SLC4A4: variants seen among roughly 807,000 people sequenced by gnomAD.
SLC4A4 encodes the protein electrogenic sodium bicarbonate cotransporter 1.
SLC4A4 carries 27 observed loss-of-function variants against 111.5 expected under a neutral mutation model. The ratio of observed to expected loss-of-function variants is 0.24; its 90% CI spans 0.18 to 0.33. The LOEUF is 0.33. SLC4A4 is among the 10% of genes least tolerant of loss of function. The probability of loss-of-function intolerance (pLI) is 1.00; values close to 1 mark genes in which losing one functional copy is unlikely to be tolerated. For missense variants in SLC4A4, 909 were observed against 1,315.5 expected (o/e 0.69, Z 4.78); for synonymous variants, 443 against 463.4 (o/e 0.96, Z 0.57).
At chr4:71,501,259 T>C (rs1244951452) in intron 16 of SLC4A4, among the ~76,000 whole-genome samples, 1 of 152,178 alleles carries the variant, frequency 6.6e-6, no homozygotes, top group East Asian at 1.9e-4. Flanking sequence ...AGGTTGTTGT[T>C]GGTCTATAGA....
At chr4:71,477,653 A>G (rs1203128476) in intron 14 of SLC4A4, among the ~76,000 whole-genome samples, 1 of 151,852 alleles carries the variant, frequency 6.6e-6, no homozygotes, top group Non-Finnish European at 1.5e-5. Flanking sequence ...GAGGTGTTCA[A>G]TTCTTCTAAG....
intron 14 of SLC4A4, 131 bp downstream of exon 14, chr4:71,473,101 T>G (rs1054090520): frequency 3.9e-6 from 4 of 1,037,922 alleles, no homozygotes; most frequent in African/African-American, 3.1e-5. Flanking sequence ...TGAAAAACTC[T>G]GCTACTGAAT....
chr4:71,549,200 G>T (rs969669905), intron 20 of SLC4A4, among the ~76,000 whole-genome samples: 24 of 151,952 alleles, frequency 1.6e-4, no homozygotes, highest in Non-Finnish European at 1.5e-4. Context: ...TATGGGATAA[G>T]TGTGAAGATG....
intron 16 of SLC4A4, 151 bp downstream of exon 16, chr4:71,497,843 C>A: frequency 1.4e-6 from 1 of 700,622 alleles, no homozygotes. Flanking sequence ...TGTTCATGTG[C>A]ATACTTATTA....
intron 6 of SLC4A4, among the ~76,000 whole-genome samples, chr4:71,384,642 C>CAAA (rs773419796): frequency 2.1e-4 from 13 of 61,452 alleles, no homozygotes; most frequent in East Asian, 7.8e-4. Context: ...TCCCTCCCAC[C>CAAA]AAAAAAAAAA....
intron 3 of SLC4A4, among the ~76,000 whole-genome samples, chr4:71,289,857 T>A (rs1262313764): frequency 6.6e-6 from 1 of 152,160 alleles, no homozygotes; most frequent in African/African-American, 2.4e-5. Flanking sequence ...TGGGATGAAT[T>A]TGATTATTGA....
chr4:71,234,868 A>C, intron 1 of SLC4A4, among the ~76,000 whole-genome samples: 1 of 152,204 alleles, frequency 6.6e-6, no homozygotes, highest in Non-Finnish European at 1.5e-5. Flanking sequence ...TATTATATAC[A>C]AGGCCGATAT....
intron 18 of SLC4A4, among the ~76,000 whole-genome samples, chr4:71,535,758 G>A (rs1419973209): frequency 6.6e-6 from 1 of 152,028 alleles, no homozygotes; most frequent in Non-Finnish European, 1.5e-5. Context: ...TGATGTGGAA[G>A]GGCAGAATGA....
chr4:71,064,917 A>G (rs953162763), intron 1 of SLC4A4, among the ~76,000 whole-genome samples: 7 of 152,236 alleles, frequency 4.6e-5, no homozygotes, highest in African/African-American at 1.4e-4. Flanking sequence ...TGCTTTGAAG[A>G]TTCAATAAGG....
At chr4:71,356,777 A>C (rs572361643) in intron 5 of SLC4A4, among the ~76,000 whole-genome samples, 102 of 152,224 alleles carry the variant, frequency 6.7e-4, no homozygotes, top group Non-Finnish European at 8.7e-4. Context: ...AATACATCAT[A>C]TCTGGGCCTG....
intron 1 of SLC4A4, among the ~76,000 whole-genome samples, chr4:71,227,140 A>T (rs1719100937): frequency 6.6e-6 from 1 of 152,120 alleles, no homozygotes; most frequent in South Asian, 2.1e-4. Context: ...AGGGAAGGGT[A>T]TGTCTGATAA....
rs553660879 is a variant in SLC4A4, at chr4:71,358,042, C to T, written c.730+855C>T. Among the ~76,000 whole-genome samples, 20 of 152,194 alleles carry T rather than the reference C, an allele frequency of 1.3e-4. No individual in the cohort carries two copies. In the East Asian group the frequency reaches 2.1e-3, roughly 16 times the overall value. ...GTGTTAAGAGAGATGAGGCCGGGCG[C>T]GGTGGCTCATGCCTGTAATCCCAGA... On this transcript the variant is annotated intron_variant, in intron 6 of 25. Coordinates refer to ENST00000264485, the MANE Select transcript of SLC4A4 (RefSeq NM_001098484.3).
chr4:71,390,546 A>T (rs910369297), intron 6 of SLC4A4, among the ~76,000 whole-genome samples: 2 of 152,160 alleles, frequency 1.3e-5, no homozygotes, highest in Non-Finnish European at 2.9e-5. Context: ...GCTAAGTTCA[A>T]TATTTCCCCC....
At chr4:71,226,271 A>G (rs1478570485) in intron 1 of SLC4A4, among the ~76,000 whole-genome samples, 1 of 152,174 alleles carries the variant, frequency 6.6e-6, no homozygotes, top group African/African-American at 2.4e-5. Context: ...CAGCCTTCCT[A>G]GTAGCTGGGA....
rs148949389 is a variant in SLC4A4 at position 71,268,493 on chromosome 4, T to C, written c.253+13094T>C. Among the ~76,000 whole-genome samples, 117 of 152,270 alleles carry C rather than the reference T, an allele frequency of 7.7e-4. No individual in the cohort carries two copies. In the Middle Eastern group the frequency reaches 0.01, roughly 13 times the overall value. On this transcript the variant is annotated intron_variant, in intron 3 of 25. Transcript: ENST00000264485. ...ATGGCGATTTATACTTTGGTTTTGGTTTGTTAGCTTATTTTGTCATAGTTA... is the reference window on the plus strand; with the variant it reads ...ATGGCGATTTATACTTTGGTTTTGGCTTGTTAGCTTATTTTGTCATAGTTA...
At chr4:71,490,137 T>G (rs1207433019) in intron 15 of SLC4A4, among the ~76,000 whole-genome samples, 1 of 151,858 alleles carries the variant, frequency 6.6e-6, no homozygotes, top group Non-Finnish European at 1.5e-5. Flanking sequence ...ACCAAATTCC[T>G]TAAAAGGTTC....
intron 7 of SLC4A4, among the ~76,000 whole-genome samples, chr4:71,398,938 T>A (rs546687558): frequency 1.3e-5 from 2 of 152,218 alleles, no homozygotes; most frequent in South Asian, 4.1e-4. Flanking sequence ...TGGTTTCATA[T>A]CCATGGATTC....
chr4:71,185,041 G>A (rs146202853), upstream of SLC4A4, among the ~76,000 whole-genome samples: 19 of 152,250 alleles, frequency 1.2e-4, 1 homozygote, highest in African/African-American at 4.6e-4. Flanking sequence ...CCAACTTTAT[G>A]CTCCTTTTAG....
At chr4:71,492,077 T>C (rs1729983714) in intron 15 of SLC4A4, among the ~76,000 whole-genome samples, 1 of 151,936 alleles carries the variant, frequency 6.6e-6, no homozygotes, top group Non-Finnish European at 1.5e-5. Context: ...TTAATATTCT[T>C]GTGCAAAGCA....
Sources: allele counts gnomAD v4.1 joint callset (sites outside exome capture counted in the v4.1 genomes callset), GRCh38; gene constraint gnomAD v4.1.1; transcripts MANE v1.5; gene names NCBI Gene and HGNC (gene_info 2026-07-23, HGNC 2026-07-21).